Variants in TOX2 observed in about 807,000 individuals in gnomAD.
The protein encoded by TOX2 is TOX high mobility group box family member 2.
TOX2 carries 15 observed loss-of-function variants against 47.4 expected under a neutral mutation model. The ratio of observed to expected loss-of-function variants is 0.32; its 90% CI spans 0.21 to 0.49. The LOEUF is 0.49. TOX2 is among the 20% of genes least tolerant of loss of function. The pLI is 0.99. For synonymous variants in TOX2, 290 were observed against 296.6 expected (o/e 0.98, Z 0.23); for missense variants, 622 against 673.1 (o/e 0.92, Z 0.84).
intron 3 of TOX2, among the ~76,000 whole-genome samples, chr20:44,042,644 A>G (rs1169311587): frequency 6.6e-6 from 1 of 152,272 alleles, no homozygotes; most frequent in Non-Finnish European, 1.5e-5. Flanking sequence ...GCAAAATTAA[A>G]TCTGTTACCC....
chr20:44,037,307 G>A (rs2071256983), intron 3 of TOX2, among the ~76,000 whole-genome samples: 1 of 152,224 alleles, frequency 6.6e-6, no homozygotes, highest in Non-Finnish European at 1.5e-5. Flanking sequence ...CATACCTTAA[G>A]CAAGTTAATG....
chr20:43,967,639 C>A (rs1003745573), intron 1 of TOX2, among the ~76,000 whole-genome samples: 1 of 152,108 alleles, frequency 6.6e-6, no homozygotes, highest in Admixed American at 6.6e-5. Context: ...CCCTCTCATC[C>A]CAGCCATCCC....
At chr20:44,068,484 G>C (rs760733516) in intron 8 of TOX2, among the ~76,000 whole-genome samples, 166 bp from the exon 9 acceptor site, 76 of 147,460 alleles carry the variant, frequency 5.2e-4, no homozygotes, top group Non-Finnish European at 8.0e-4. Flanking sequence ...TCTGCTTGGT[G>C]TAGAGGTGGG....
intron 3 of TOX2, among the ~76,000 whole-genome samples, chr20:44,010,489 C>T (rs974640912): frequency 3.3e-5 from 5 of 152,148 alleles, no homozygotes; most frequent in South Asian, 2.1e-4. Context: ...GGAGGGCACC[C>T]GGACCAACTG....
rs1464497978 is a variant in TOX2 at position 44,035,572 on chromosome 20, A to G, written c.412-15734A>G. On this transcript the variant is annotated intron_variant, in intron 3 of 8. Transcript: ENST00000341197. The stretch of plus-strand genomic sequence containing the variant: ...AGGAGGGACTGTGTTCTGGTCAGCC[A>G]TGTGTTCTCTAACCCAGCATCTGCA... 2.0e-5 allele frequency among the ~76,000 whole-genome samples: 3 copies of G among 152,188 alleles called. No individual in the cohort carries two copies. In the East Asian group the frequency reaches 5.8e-4, roughly 30 times the overall value.
intron 2 of TOX2, 121 bp from the exon 3 acceptor site, chr20:44,006,426 C>G: frequency 6.9e-7 from 1 of 1,455,124 alleles, no homozygotes; most frequent in Non-Finnish European, 9.2e-7. Flanking sequence ...GAAACATCAT[C>G]CCTTCTCTCC....
At chr20:44,000,629 C>G (rs917861292) in intron 2 of TOX2, among the ~76,000 whole-genome samples, 1 of 151,856 alleles carries the variant, frequency 6.6e-6, no homozygotes, top group African/African-American at 2.4e-5. Context: ...TACAGATGGT[C>G]CATAATGCCA....
intron 1 of TOX2, among the ~76,000 whole-genome samples, chr20:43,929,564 C>T (rs2069225215): frequency 1.3e-5 from 2 of 152,132 alleles, no homozygotes; most frequent in South Asian, 4.1e-4. Flanking sequence ...ATGTTCTTGC[C>T]CTCATTCTTT....
chr20:43,919,287 T>G (rs1202538941), intron 1 of TOX2, among the ~76,000 whole-genome samples: 2 of 152,246 alleles, frequency 1.3e-5, no homozygotes, highest in East Asian at 3.8e-4. Flanking sequence ...CCTCTGGAGC[T>G]TATTTATCAG....
intron 1 of TOX2, among the ~76,000 whole-genome samples, chr20:43,956,540 G>A (rs1292645495): frequency 6.9e-6 from 1 of 144,400 alleles, no homozygotes; most frequent in Non-Finnish European, 1.5e-5. Flanking sequence ...CAGCCTGGGT[G>A]AGAGTAAGGT....
intron 1 of TOX2, among the ~76,000 whole-genome samples, chr20:43,960,002 C>T (rs1005588624): frequency 1.3e-5 from 2 of 152,314 alleles, no homozygotes. Context: ...TCCACCCCTT[C>T]CTAGCTGTGT....
rs774028863 is a variant in TOX2 at position 43,973,356 on chromosome 20, C to G, written c.100-11C>G. The G allele has an allele frequency of 7.4e-6, 12 of 1,613,922 alleles. No individual in the cohort carries two copies. The Admixed American group carries it at 1.8e-4, about 25-fold the overall frequency. On this transcript the variant is annotated splice_polypyrimidine_tract_variant and intron_variant, in intron 1 of 8. Coordinates refer to ENST00000341197, the MANE Select transcript of TOX2 (RefSeq NM_001098797.2). Reference sequence around the variant, plus strand: ...TAATCAGAGCTGCTTCTCCCTCTCTCTCTATTCTAGTTTGATGGTGACAGT... The same window carrying G: ...TAATCAGAGCTGCTTCTCCCTCTCTGTCTATTCTAGTTTGATGGTGACAGT...
intron 1 of TOX2, among the ~76,000 whole-genome samples, chr20:43,934,169 C>A (rs6124607): frequency 0.16 from 11,978 of 73,116 alleles, 1,122 homozygotes; most frequent in African/African-American, 0.33. Flanking sequence ...GAGAGAGAGA[C>A]CTGCCCTCAG....
At chr20:43,973,533 C>T (rs1003230808) in intron 2 of TOX2, 101 bp downstream of exon 2, 2 of 931,566 alleles carry the variant, frequency 2.1e-6, no homozygotes, top group Non-Finnish European at 3.4e-6. Context: ...GGGGCCAGCA[C>T]AGCCCGCTGC....
At chr20:43,920,176 G>C (rs6073253) in intron 1 of TOX2, among the ~76,000 whole-genome samples, 1 of 152,088 alleles carries the variant, frequency 6.6e-6, no homozygotes, top group Non-Finnish European at 1.5e-5. Flanking sequence ...ACCTGGCATC[G>C]TGCCTGACTC....
intron 1 of TOX2, among the ~76,000 whole-genome samples, chr20:43,943,524 C>CAT (rs1419388340): frequency 6.6e-6 from 1 of 152,196 alleles, no homozygotes; most frequent in Non-Finnish European, 1.5e-5. Context: ...TACTGTCTTC[C>CAT]TTATACTCAC....
chr20:43,924,754 T>A (rs560608619), intron 1 of TOX2, among the ~76,000 whole-genome samples: 13 of 152,222 alleles, frequency 8.5e-5, no homozygotes, highest in Non-Finnish European at 1.9e-4. Flanking sequence ...CTCTTTATCT[T>A]GAGTCCTGCC....
intron 3 of TOX2, among the ~76,000 whole-genome samples, chr20:44,026,150 A>T (rs1251459140): frequency 6.6e-6 from 1 of 150,458 alleles, no homozygotes; most frequent in Non-Finnish European, 1.5e-5. Context: ...TTTCCGCGTG[A>T]TTATAGCAGC....
intron 5 of TOX2, among the ~76,000 whole-genome samples, chr20:44,056,507 G>A (rs1271066197): frequency 1.3e-5 from 2 of 152,114 alleles, no homozygotes; most frequent in Non-Finnish European, 2.9e-5. Flanking sequence ...TCCCTCCACC[G>A]ATGCTTTCTC....
Sources: allele counts gnomAD v4.1 joint callset (sites outside exome capture counted in the v4.1 genomes callset), GRCh38; gene constraint gnomAD v4.1.1; transcripts MANE v1.5; gene names NCBI Gene and HGNC (gene_info 2026-07-23, HGNC 2026-07-21).